UGT1A8: variants seen among roughly 807,000 people sequenced by gnomAD.
The protein encoded by UGT1A8 is UDP-glucuronosyltransferase 1A8.
In UGT1A8, 39 loss-of-function variants were observed where a neutral mutation model predicts 45.3. The ratio of observed to expected loss-of-function variants is 0.86; its 90% CI spans 0.67 to 1.12. UGT1A8 has a LOEUF of 1.12. Among genes scored for constraint, UGT1A8 ranks in the 50% most tolerant of loss-of-function variants. UGT1A8 has a pLI of 0.00. For synonymous variants in UGT1A8, 275 were observed against 249.2 expected, an observed-to-expected ratio of 1.10 and a Z score of -0.97; for missense variants, 719 against 664.9, an observed-to-expected ratio of 1.08 and a Z score of -0.90.
At chr2:233,733,842 C>T (rs543682196) in intron 1 of UGT1A8, among the ~76,000 whole-genome samples, 2 of 152,138 alleles carry the variant, frequency 1.3e-5, no homozygotes, top group South Asian at 4.2e-4. Context: ...GGAGGATTCC[C>T]TCTTTTTCTA....
chr2:233,668,351 C>T (rs17868319), intron 1 of UGT1A8, among the ~76,000 whole-genome samples: 1,856 of 152,240 alleles, frequency 0.012, 14 homozygotes, highest in Admixed American at 0.02. Flanking sequence ...TGATGGTTTC[C>T]AGCTTCATCC....
rs187355953 is a variant in UGT1A8 at position 233,736,029 on chromosome 2, T to A, written c.856-31005T>A. 5.3e-3 allele frequency among the ~76,000 whole-genome samples: 815 copies of A among 152,350 alleles called. 8 individuals are homozygous for A. The highest frequency in any genetic ancestry group is 0.019 in the African/African-American group (776 of 41,576). On this transcript the variant is annotated intron_variant, in intron 1 of 4. Transcript: ENST00000373450. ...CGAGGAGTATCTTTGTGGTGTTCTC[T>A]GTATTTCCTGAATTTGAATGTTGGC... is the stretch of plus-strand genomic sequence containing the variant.
At chr2:233,665,728 A>T (rs889458873) in intron 1 of UGT1A8, among the ~76,000 whole-genome samples, 20 of 152,352 alleles carry the variant, frequency 1.3e-4, no homozygotes, top group Middle Eastern at 3.4e-3. Context: ...AAGATGCAAA[A>T]ATATAATAAT....
At chr2:233,668,513 C>T (rs2074121872) in intron 1 of UGT1A8, among the ~76,000 whole-genome samples, 1 of 152,210 alleles carries the variant, frequency 6.6e-6, no homozygotes, top group South Asian at 2.1e-4. Context: ...CCCCAATAAA[C>T]ATACGTGTGC....
At chr2:233,716,351 A>G (rs1258886515) in intron 1 of UGT1A8, among the ~76,000 whole-genome samples, 2 of 152,232 alleles carry the variant, frequency 1.3e-5, no homozygotes, top group Non-Finnish European at 2.9e-5. Flanking sequence ...ACTACAATGT[A>G]GATACTTTGT....
intron 1 of UGT1A8, among the ~76,000 whole-genome samples, chr2:233,701,807 A>G (rs2075653116): frequency 1.3e-5 from 2 of 152,224 alleles, no homozygotes; most frequent in Non-Finnish European, 2.9e-5. Flanking sequence ...GAGAACAAAG[A>G]CACAACATAC....
intron 1 of UGT1A8, among the ~76,000 whole-genome samples, chr2:233,618,984 G>A (rs991715688): frequency 6.6e-6 from 1 of 151,430 alleles, no homozygotes; most frequent in Non-Finnish European, 1.5e-5. Context: ...TTTAGCCCAC[G>A]TTTTTGAGTA....
intron 1 of UGT1A8, among the ~76,000 whole-genome samples, chr2:233,653,056 C>T (rs1275153730): frequency 6.6e-6 from 1 of 152,200 alleles, no homozygotes; most frequent in Non-Finnish European, 1.5e-5. Context: ...TGCAAGTAAA[C>T]ATGTACGTGC....
At chr2:233,672,669 C>T (rs1220377929) in intron 1 of UGT1A8, 4 of 1,613,928 alleles carry the variant, frequency 2.5e-6, no homozygotes, top group South Asian at 1.1e-5. Flanking sequence ...ATGATCTCTA[C>T]AGCCACACAT....
Position 233,747,808 on chromosome 2 carries a change from C to T in UGT1A8, c.856-19226C>T, listed in dbSNP as rs1432471540. On this transcript the variant is annotated intron_variant, in intron 1 of 4. Coordinates refer to ENST00000373450, the MANE Select transcript of UGT1A8 (RefSeq NM_019076.5). ...TCCTCCTATATTCCTAAGTTACTAA[C>T]GACCAATTCAGACCACATGACATTC... 6.0e-5 allele frequency: 96 copies of T among 1,613,386 alleles called. No individual in the cohort carries two copies. In the South Asian group the frequency reaches 8.3e-4, roughly 14 times the overall value.
chr2:233,768,179 A>G, intron 3 of UGT1A8, 41 bp from the exon 4 acceptor site: 1 of 1,613,948 alleles, frequency 6.2e-7, no homozygotes, highest in East Asian at 2.2e-5. Context: ...TGTGAAACTC[A>G]GAGATGTAAC....
intron 1 of UGT1A8, among the ~76,000 whole-genome samples, chr2:233,716,574 A>G (rs2076512452): frequency 6.6e-6 from 1 of 152,190 alleles, no homozygotes; most frequent in Admixed American, 6.5e-5. Context: ...TTTAAAAACA[A>G]TACTTTCAAA....
rs17862868 is a variant in UGT1A8 at position 233,713,736 on chromosome 2, G to C, written c.856-53298G>C. 0.091 allele frequency: 144,308 copies of C among 1,587,106 alleles called. 8,660 individuals carry two copies. The highest frequency in any genetic ancestry group is 0.18 in the South Asian group (15,774 of 87,104). On this transcript the variant is annotated intron_variant, in intron 1 of 4. Coordinates refer to ENST00000373450, the MANE Select transcript of UGT1A8 (RefSeq NM_019076.5). ...GAGAGAGGTGTCAGTGGTGGATCTT[G>C]TCAGCCATGCATCTGTGTGGCTGTT... is the stretch of plus-strand genomic sequence containing the variant.
At chr2:233,697,735 G>A (rs1186462702) in intron 1 of UGT1A8, among the ~76,000 whole-genome samples, 1 of 151,658 alleles carries the variant, frequency 6.6e-6, no homozygotes, top group East Asian at 1.9e-4. Flanking sequence ...CTTAGTTCTG[G>A]TTTTGCTATA....
intron 1 of UGT1A8, among the ~76,000 whole-genome samples, chr2:233,724,747 C>T (rs1469881894): frequency 7.0e-6 from 1 of 143,144 alleles, no homozygotes; most frequent in Admixed American, 7.0e-5. Context: ...TCCTCACATC[C>T]CAGACGATGG....
At chr2:233,754,396 G>A (rs1026750148) in intron 1 of UGT1A8, 5 of 330,592 alleles carry the variant, frequency 1.5e-5, no homozygotes, top group East Asian at 7.7e-5. Context: ...GGTCCTATCC[G>A]TGCAGTCCCA....
chr2:233,679,228 TC>T (rs2074445655), intron 1 of UGT1A8, among the ~76,000 whole-genome samples: 1 of 152,250 alleles, frequency 6.6e-6, no homozygotes, highest in Admixed American at 6.5e-5. Flanking sequence ...TAGGGAATGG[TC>T]CAATATCGAA....
At chr2:233,648,163 A>G (rs962870715) in intron 1 of UGT1A8, 13 of 1,088,686 alleles carry the variant, frequency 1.2e-5, no homozygotes, top group Admixed American at 2.4e-5. Flanking sequence ...TTCTCTATTA[A>G]TGAGTTCATC....
At chr2:233,661,445 C>A (rs142398466) in intron 1 of UGT1A8, among the ~76,000 whole-genome samples, 53 of 152,238 alleles carry the variant, frequency 3.5e-4, no homozygotes, top group Admixed American at 2.0e-3. Context: ...ATCTTTAACC[C>A]ACAGATGGAA....
Sources: gnomAD v4.1 joint callset for allele counts (sites outside exome capture counted in the v4.1 genomes callset) on GRCh38, gnomAD v4.1.1 for gene constraint, MANE v1.5 for transcripts, NCBI Gene and HGNC (gene_info 2026-07-23, HGNC 2026-07-21) for gene names.